The following EPHA6 variants were observed in gnomAD, a reference collection of about 807,000 sequenced individuals.
EPHA6 encodes ephrin type-A receptor 6.
EPHA6 carries 50 observed loss-of-function variants against 112.0 expected under a neutral mutation model. The ratio of observed to expected loss-of-function variants is 0.45; its 90% CI spans 0.36 to 0.56. The LOEUF is 0.56. Among genes scored for constraint, EPHA6 ranks in the 20% least tolerant of loss-of-function variants. The probability of loss-of-function intolerance (pLI) is 0.00; values close to 1 mark genes in which losing one functional copy is unlikely to be tolerated. For synonymous variants in EPHA6, 529 were observed against 490.7 expected (o/e 1.08, Z -1.03); for missense variants, 1,280 against 1,417.4 (o/e 0.90, Z 1.56).
At chr3:97,077,599 T>A (rs1032682274) in intron 3 of EPHA6, among the ~76,000 whole-genome samples, 1 of 149,958 alleles carries the variant, frequency 6.7e-6, no homozygotes, top group African/African-American at 2.5e-5. Flanking sequence ...TTTGTCCAAG[T>A]GTTCTCATTG....
chr3:96,994,800 A>G (rs1009881658), intron 3 of EPHA6, among the ~76,000 whole-genome samples: 27 of 142,932 alleles, frequency 1.9e-4, no homozygotes, highest in African/African-American at 4.4e-4. Flanking sequence ...ATGTGTGTGT[A>G]TATATATATA....
In EPHA6 at chr3:96,959,892, T is replaced by C. The variant is rs568878675; in HGVS notation, c.451-27438T>C. Among the ~76,000 whole-genome samples the C allele has an allele frequency of 2.0e-5, 3 of 151,940 alleles. No individual in the cohort carries two copies. In the East Asian group the frequency reaches 5.8e-4, roughly 29 times the overall value. ...TGAAGTATTTGAAAGTTTCCCAAAA[T>C]GTGAATAGAATTGGGATGAGTAGAG... is the stretch of plus-strand genomic sequence containing the variant. On this transcript the variant is annotated intron_variant, in intron 2 of 17. Transcript: ENST00000389672.
intron 3 of EPHA6, among the ~76,000 whole-genome samples, chr3:97,094,204 G>A (rs11917307): frequency 0.26 from 40,081 of 152,054 alleles, 8,658 homozygotes; most frequent in African/African-American, 0.58. Flanking sequence ...ATTATGTTAT[G>A]TTTAGTTGCA....
At chr3:97,585,967 G>A (rs1487648269) in intron 11 of EPHA6, among the ~76,000 whole-genome samples, 1 of 152,178 alleles carries the variant, frequency 6.6e-6, no homozygotes. Context: ...TTCATGAATA[G>A]TTATATTTTC....
At chr3:97,422,485 G>A (rs936688795) in intron 6 of EPHA6, among the ~76,000 whole-genome samples, 4 of 152,090 alleles carry the variant, frequency 2.6e-5, no homozygotes, top group Non-Finnish European at 5.9e-5. Flanking sequence ...AAGAGACTTA[G>A]ATAATCACAT....
intron 4 of EPHA6, among the ~76,000 whole-genome samples, chr3:97,234,378 C>T (rs946472393): frequency 1.3e-5 from 2 of 152,106 alleles, no homozygotes; most frequent in African/African-American, 2.4e-5. Flanking sequence ...GAAAAATCAT[C>T]GTCATTGGCT....
At chr3:97,045,174 T>C (rs915326730) in intron 3 of EPHA6, among the ~76,000 whole-genome samples, 16 of 151,976 alleles carry the variant, frequency 1.1e-4, no homozygotes, top group African/African-American at 3.9e-4. Context: ...ATCTAAAATA[T>C]CATCTAGTAA....
At position 97,443,761 on chromosome 3, in the gene EPHA6, T is replaced by C. The variant is rs540381632; in HGVS notation, c.1732-4807T>C. Among the ~76,000 whole-genome samples the C allele has an allele frequency of 7.2e-5, 11 of 152,286 alleles. No individual in the cohort carries two copies. In the South Asian group the frequency reaches 2.3e-3, roughly 32 times the overall value. ...TTTCTTCCAATTGAGGAACTAGTTG[T>C]TCATATAAACATAGTCTAATGATTA... is the stretch of plus-strand genomic sequence containing the variant. On this transcript the variant is annotated intron_variant, in intron 6 of 17. Transcript: ENST00000389672.
intron 13 of EPHA6, among the ~76,000 whole-genome samples, chr3:97,628,526 C>T (rs2107527076): frequency 6.6e-6 from 1 of 151,938 alleles, no homozygotes; most frequent in South Asian, 2.1e-4. Flanking sequence ...TCTGTTTTTT[C>T]AGGTGGCTAA....
At chr3:97,625,924 G>A (rs2093852897) in intron 13 of EPHA6, among the ~76,000 whole-genome samples, 1 of 151,654 alleles carries the variant, frequency 6.6e-6, no homozygotes, top group Non-Finnish European at 1.5e-5. Flanking sequence ...TGGGAATCTA[G>A]ATAGCTTTAT....
chr3:97,272,947 G>A (rs2079940279), intron 5 of EPHA6, among the ~76,000 whole-genome samples: 1 of 152,140 alleles, frequency 6.6e-6, no homozygotes, highest in African/African-American at 2.4e-5. Flanking sequence ...GTGGTATGGA[G>A]AGATAATGGG....
At chr3:97,360,963 G>A (rs2084340465) in intron 5 of EPHA6, among the ~76,000 whole-genome samples, 1 of 152,136 alleles carries the variant, frequency 6.6e-6, no homozygotes, top group Non-Finnish European at 1.5e-5. Context: ...AAGTATCTCT[G>A]TAGGAGACAT....
At chr3:97,569,508 G>A (rs1435972970) in intron 11 of EPHA6, among the ~76,000 whole-genome samples, 5 of 151,988 alleles carry the variant, frequency 3.3e-5, no homozygotes, top group Non-Finnish European at 5.9e-5. Context: ...GTGACTTTGG[G>A]AAATTATTAC....
At chr3:97,157,279 A>G (rs1238205538) in intron 3 of EPHA6, among the ~76,000 whole-genome samples, 1 of 152,110 alleles carries the variant, frequency 6.6e-6, no homozygotes, top group East Asian at 1.9e-4. Context: ...AAGTTTCCAA[A>G]TGGTGGGAAA....
At chr3:96,840,150 A>G (rs1222270025) in intron 1 of EPHA6, among the ~76,000 whole-genome samples, 1 of 152,084 alleles carries the variant, frequency 6.6e-6, no homozygotes, top group Non-Finnish European at 1.5e-5. Flanking sequence ...TCTGGTCCCA[A>G]TCATCAGGGC....
At chr3:97,599,711 GC>G (rs1395400405) in intron 12 of EPHA6, among the ~76,000 whole-genome samples, 9 of 152,152 alleles carry the variant, frequency 5.9e-5, no homozygotes, top group African/African-American at 2.2e-4. Context: ...GATGCCTCCA[GC>G]TTTGTTCTTT....
intron 14 of EPHA6, among the ~76,000 whole-genome samples, chr3:97,719,294 G>A (rs1203062148): frequency 1.3e-5 from 2 of 151,848 alleles, no homozygotes; most frequent in African/African-American, 2.4e-5. Context: ...ATCCCTTTGT[G>A]GTGAGCTCTG....
Position 97,324,433 on chromosome 3 carries a change from CTT to C in EPHA6, c.1606+80148_1606+80149del, listed in dbSNP as rs765306914. On this transcript the variant is annotated intron_variant, in intron 5 of 17. Transcript: ENST00000389672. ...TCTTTCTTTCTTTCTTTCTTTCTTT[CTT>C]TCTTTCTTTCTTTCTTTCTTTCTTT... 8.9e-5 allele frequency among the ~76,000 whole-genome samples: 13 copies of C among 145,504 alleles called. 1 individual carries two copies. Among genetic ancestry groups the C allele is most frequent in the East Asian group, 4.0e-4 (2 of 5,014 alleles).
At chr3:97,173,871 C>A (rs2076762673) in intron 3 of EPHA6, among the ~76,000 whole-genome samples, 1 of 151,716 alleles carries the variant, frequency 6.6e-6, no homozygotes, top group Non-Finnish European at 1.5e-5. Context: ...AAGCATTTAT[C>A]CTTTGAGTTA....
Sources: gnomAD v4.1 joint callset for allele counts (sites outside exome capture counted in the v4.1 genomes callset) on GRCh38, gnomAD v4.1.1 for gene constraint, MANE v1.5 for transcripts, NCBI Gene and HGNC (gene_info 2026-07-23, HGNC 2026-07-21) for gene names.